The following LRTM1 variants were observed in gnomAD, a reference collection of about 807,000 sequenced individuals.
LRTM1 encodes leucine-rich repeat and transmembrane domain-containing protein 1.
Under a neutral mutation model 32.4 loss-of-function variants are expected in LRTM1, and 38 were observed. The ratio of observed to expected loss-of-function variants is 1.17; its 90% CI spans 0.91 to 1.54. The LOEUF (loss-of-function observed/expected upper bound fraction) is 1.54. LRTM1 is among the 40% of genes most tolerant of loss of function. LRTM1 has a pLI of 0.00. For synonymous variants in LRTM1, 186 were observed against 169.9 expected, an observed-to-expected ratio of 1.09 and a Z score of -0.74; for missense variants, 466 against 415.4, an observed-to-expected ratio of 1.12 and a Z score of -1.06.
intron 1 of LRTM1, among the ~76,000 whole-genome samples, chr3:54,942,627 G>C (rs192716686): frequency 4.3e-4 from 66 of 152,098 alleles, no homozygotes; most frequent in Non-Finnish European, 7.8e-4. Flanking sequence ...ACTGGTTCAC[G>C]CCTGTAATTC....
chr3:54,931,846 C>T (rs1385425619), upstream of LRTM1, among the ~76,000 whole-genome samples: 3 of 152,162 alleles, frequency 2.0e-5, no homozygotes, highest in Non-Finnish European at 4.4e-5. Flanking sequence ...TGAAATCCAG[C>T]ATGTAATAGC....
intron 1 of LRTM1, among the ~76,000 whole-genome samples, chr3:54,927,121 T>G (rs1173699318): frequency 8.5e-5 from 13 of 152,230 alleles, no homozygotes; most frequent in Admixed American, 8.5e-4. Flanking sequence ...TTTGTTTGAT[T>G]GATTGTTTGC....
Position 54,918,481 on chromosome 3 carries a change from C to A in LRTM1, c.1016G>T (p.Arg339Leu), listed in dbSNP as rs757176230. 70 of 1,613,402 alleles carry A rather than the reference C, an allele frequency of 4.3e-5. No homozygotes were observed. The highest frequency in any genetic ancestry group is 1.6e-4 in the Middle Eastern group (1 of 6,082). The change falls in exon 3 of 3, where the codon CGA (arginine) becomes CTA (leucine). Residue 339 changes from arginine (R) to leucine (L), a missense_variant. Arg to Leu is a moderately radical substitution (Grantham distance 102). Transcript: ENST00000273286. ...CTCTCAGGCTGGTGAGCTGTCAAAT[C>A]GCTCTTTTTCTTCCACCTTCCCAGG... ...NDPGKVEEKE[R>L]FDSSPA
Position 54,918,839 on chromosome 3 carries a change from C to G in LRTM1, c.658G>C (p.Asp220His). Residue 220 changes from aspartate (D) to histidine (H), a missense_variant, in exon 3 of 3, where the codon GAC (aspartate) becomes CAC (histidine). By Grantham distance (81) the Asp-to-His change is moderately conservative (BLOSUM62 -1). Transcript: ENST00000273286. Reference sequence around the variant, plus strand: ...AGCTCATGAGGGATCCTAAGGAGGTCCTTTCCCTTCCAGGTGTCTGGTGAT... The same window carrying G: ...AGCTCATGAGGGATCCTAAGGAGGTGCTTTCCCTTCCAGGTGTCTGGTGAT... ...CESPDTWKGK[D>H]LLRIPHELYQ... 6.3e-7 allele frequency: 1 copy of G among 1,585,676 alleles called. No individual in the cohort carries two copies. The highest frequency in any genetic ancestry group is 8.6e-7 in the Non-Finnish European group (1 of 1,163,060).
intron 1 of LRTM1, among the ~76,000 whole-genome samples, chr3:54,961,467 A>G (rs1444332289): frequency 6.6e-6 from 1 of 152,214 alleles, no homozygotes; most frequent in African/African-American, 2.4e-5. Flanking sequence ...TAAAACTACA[A>G]TTTTCTACTA....
chr3:54,930,351 C>G (rs1269576797), upstream of LRTM1, among the ~76,000 whole-genome samples: 1 of 152,198 alleles, frequency 6.6e-6, no homozygotes, highest in Non-Finnish European at 1.5e-5. Context: ...ATGTCCAGAA[C>G]CTTGTCATTC....
intron 1 of LRTM1, among the ~76,000 whole-genome samples, chr3:54,940,204 A>G (rs1283340873): frequency 1.3e-5 from 2 of 152,200 alleles, no homozygotes; most frequent in East Asian, 3.9e-4. Context: ...CTTTTGAGAC[A>G]TGTGCACAGT....
chr3:54,918,470 A>G lies in LRTM1; in HGVS notation c.1027T>C (p.Ser343Pro), dbSNP rs1367795123. ...TGAGACAAAAGCTCTCAGGCTGGTG[A>G]GCTGTCAAATCGCTCTTTTTCTTCC... ...KVEEKERFDS[S>P]PA Residue 343 changes from serine (S) to proline (P), a missense_variant, in exon 3 of 3, where the codon TCA (serine) becomes CCA (proline). Ser to Pro is a moderately conservative substitution (Grantham distance 74). Coordinates refer to ENST00000273286, the MANE Select transcript of LRTM1 (RefSeq NM_020678.4). 1.1e-5 allele frequency: 17 copies of G among 1,612,144 alleles called. No individual in the cohort carries two copies. The highest frequency in any genetic ancestry group is 1.6e-4 in the Middle Eastern group (1 of 6,070).
intron 2 of LRTM1, among the ~76,000 whole-genome samples, chr3:54,924,075 G>T (rs113825058): frequency 4.3e-4 from 65 of 152,324 alleles, no homozygotes; most frequent in African/African-American, 1.5e-3. Flanking sequence ...TTGCTTTGCT[G>T]TTGTCATCAT....
At chr3:54,934,968 C>T (rs1399185086) in intron 1 of LRTM1, among the ~76,000 whole-genome samples, 1 of 152,192 alleles carries the variant, frequency 6.6e-6, no homozygotes, top group Non-Finnish European at 1.5e-5. Flanking sequence ...GAACTCCTGA[C>T]CTCAAGTGAT....
intron 1 of LRTM1, among the ~76,000 whole-genome samples, chr3:54,925,724 G>T (rs916226914): frequency 6.6e-6 from 1 of 152,154 alleles, no homozygotes; most frequent in African/African-American, 2.4e-5. Context: ...TGTGGCTACC[G>T]AGCTCTTGAG....
chr3:54,943,812 C>G (rs892263661), intron 1 of LRTM1, among the ~76,000 whole-genome samples: 1 of 152,166 alleles, frequency 6.6e-6, no homozygotes, highest in African/African-American at 2.4e-5. Context: ...ATGCAGGCAC[C>G]TAAGACTTCT....
upstream of LRTM1, among the ~76,000 whole-genome samples, chr3:54,930,819 A>C (rs13319877): frequency 6.6e-6 from 1 of 152,136 alleles, no homozygotes; most frequent in African/African-American, 2.4e-5. Flanking sequence ...ATCTTGGCCA[A>C]GCATGGTGGC....
In LRTM1 at chr3:54,918,604, A is replaced by G. The variant is rs1416472081; in HGVS notation, c.893T>C (p.Ile298Thr). The G allele has an allele frequency of 8.7e-6, 14 of 1,613,984 alleles. No individual in the cohort carries two copies. The highest frequency in any genetic ancestry group is 2.2e-5 in the East Asian group (1 of 44,890). ...AGCTGCCAACATCATGAGACACACA[A>G]TCCCACACACAACGCCAGTGATGAT... Reference protein sequence around the residue: ...TVIITGVVCGIVCLMMLAAAI... With the variant: ...TVIITGVVCGTVCLMMLAAAI... Residue 298 changes from isoleucine (I) to threonine (T), a missense_variant, in exon 3 of 3, where the codon ATT becomes ACT. By Grantham distance (89) the Ile-to-Thr change is moderately conservative. Transcript: ENST00000273286.
chr3:54,933,760 C>CTT (rs34842038), intron 1 of LRTM1, among the ~76,000 whole-genome samples: 2 of 141,170 alleles, frequency 1.4e-5, no homozygotes, highest in Non-Finnish European at 3.1e-5. Flanking sequence ...ATTACTATTA[C>CTT]TTTTTTTTTT....
chr3:54,922,925 C>G (rs1559630851), intron 2 of LRTM1, among the ~76,000 whole-genome samples: 1 of 152,162 alleles, frequency 6.6e-6, no homozygotes, highest in East Asian at 1.9e-4. Flanking sequence ...TTATGGTCTT[C>G]TCTTAGTCAT....
intron 1 of LRTM1, among the ~76,000 whole-genome samples, chr3:54,966,455 G>T (rs1702152910): frequency 6.6e-6 from 1 of 152,082 alleles, no homozygotes; most frequent in Non-Finnish European, 1.5e-5. Flanking sequence ...ATCACAGTAG[G>T]TCCCCAACAG....
chr3:54,931,059 G>C (rs955459552), upstream of LRTM1, among the ~76,000 whole-genome samples: 5 of 152,330 alleles, frequency 3.3e-5, no homozygotes, highest in African/African-American at 4.8e-5. Flanking sequence ...TCGTGCCACT[G>C]TACTCCAGCC....
chr3:54,949,853 G>A (rs1701712471), intron 1 of LRTM1, among the ~76,000 whole-genome samples: 1 of 152,168 alleles, frequency 6.6e-6, no homozygotes, highest in Admixed American at 6.5e-5. Flanking sequence ...AAGCTCATCT[G>A]GCATGCTGTG....
Sources: allele counts gnomAD v4.1 joint callset (sites outside exome capture counted in the v4.1 genomes callset), GRCh38; gene constraint gnomAD v4.1.1; transcripts MANE v1.5; gene names NCBI Gene and HGNC (gene_info 2026-07-23, HGNC 2026-07-21).